EYS: variants seen among roughly 807,000 people sequenced by gnomAD.
EYS encodes the protein EGF-like photoreceptor maintenance factor.
A neutral mutation model predicts 282.1 loss-of-function variants in EYS; 250 were observed. That is an observed-to-expected ratio of 0.89 (90% confidence interval 0.80 to 0.98). The LOEUF is 0.98. Ranked by LOEUF, EYS falls within the 50% of genes least tolerant of loss-of-function variation. EYS has a pLI of 0.00. For missense variants in EYS, 4,016 were observed against 3,709.0 expected, an observed-to-expected ratio of 1.08 and a Z score of -2.15; for synonymous variants, 1,355 against 1,282.9, an observed-to-expected ratio of 1.06 and a Z score of -1.20.
intron 1 of EYS, among the ~76,000 whole-genome samples, chr6:65,645,784 A>C (rs1767429617): frequency 6.6e-6 from 1 of 152,176 alleles, no homozygotes; most frequent in Non-Finnish European, 1.5e-5. Flanking sequence ...TGTTAGTGAG[A>C]TTAACCAAGA....
intron 14 of EYS, among the ~76,000 whole-genome samples, chr6:64,984,873 C>T (rs1456509323): frequency 1.3e-5 from 2 of 151,364 alleles, no homozygotes; most frequent in African/African-American, 2.4e-5. Flanking sequence ...TCTTAGCTTC[C>T]GGAAATTATT....
intron 28 of EYS, among the ~76,000 whole-genome samples, chr6:64,414,691 TA>T (rs1774009644): frequency 6.6e-6 from 1 of 152,202 alleles, no homozygotes; most frequent in South Asian, 2.1e-4. Flanking sequence ...CACTGTAGTA[TA>T]ATACTTGGCT....
intron 26 of EYS, among the ~76,000 whole-genome samples, chr6:64,522,537 T>C (rs911473021): frequency 6.6e-6 from 1 of 151,684 alleles, no homozygotes; most frequent in Non-Finnish European, 1.5e-5. Flanking sequence ...GTATGGTCTT[T>C]TGTGAAACCA....
At chr6:65,589,527 T>C (rs543528750) in intron 2 of EYS, among the ~76,000 whole-genome samples, 14 of 152,076 alleles carry the variant, frequency 9.2e-5, no homozygotes, top group African/African-American at 3.4e-4. Context: ...GGTTGATTCT[T>C]ATCTTGAATT....
chr6:64,974,155 C>T (rs2150112649), intron 14 of EYS, among the ~76,000 whole-genome samples: 1 of 151,856 alleles, frequency 6.6e-6, no homozygotes, highest in East Asian at 1.9e-4. Flanking sequence ...CCTTAAGGAA[C>T]AACCAGAGAC....
At chr6:65,480,309 A>T (rs1182705564) in intron 5 of EYS, among the ~76,000 whole-genome samples, 1 of 152,174 alleles carries the variant, frequency 6.6e-6, no homozygotes, top group African/African-American at 2.4e-5. Context: ...GACAACTTAA[A>T]AATGGCAGAG....
At chr6:65,002,542 A>G (rs560519948) in intron 13 of EYS, among the ~76,000 whole-genome samples, 1 of 147,930 alleles carries the variant, frequency 6.8e-6, no homozygotes, top group Admixed American at 6.7e-5. Flanking sequence ...ACAAAATTCA[A>G]TTGCCTTGAT....
chr6:64,428,335 C>T (rs796945529), intron 28 of EYS, among the ~76,000 whole-genome samples: 9 of 152,068 alleles, frequency 5.9e-5, no homozygotes, highest in African/African-American at 2.2e-4. Flanking sequence ...TGTTTTCAAA[C>T]TGTTTGTATT....
At chr6:65,472,323 C>T (rs1399233307) in intron 5 of EYS, among the ~76,000 whole-genome samples, 1 of 151,984 alleles carries the variant, frequency 6.6e-6, no homozygotes, top group Non-Finnish European at 1.5e-5. Context: ...TCCATGTTTT[C>T]TCTTGGAAGG....
chr6:64,700,247 G>A (rs1163185759), intron 22 of EYS, among the ~76,000 whole-genome samples: 1 of 151,762 alleles, frequency 6.6e-6, no homozygotes, highest in Admixed American at 6.6e-5. Flanking sequence ...AATAATAAAA[G>A]CCATATAAGG....
intron 29 of EYS, among the ~76,000 whole-genome samples, chr6:64,311,275 A>G (rs1048499910): frequency 4.0e-4 from 61 of 152,250 alleles, no homozygotes; most frequent in African/African-American, 1.4e-3. Context: ...ATAGAAGGGA[A>G]ACAAAGATAC....
At chr6:64,687,065 C>T (rs1562134313) in intron 22 of EYS, among the ~76,000 whole-genome samples, 1 of 150,512 alleles carries the variant, frequency 6.6e-6, no homozygotes, top group East Asian at 2.0e-4. Flanking sequence ...CAGAGTAGTC[C>T]TCATATGTAT....
At chr6:65,636,856 T>A (rs1212771606) in intron 2 of EYS, among the ~76,000 whole-genome samples, 1 of 152,212 alleles carries the variant, frequency 6.6e-6, no homozygotes, top group Non-Finnish European at 1.5e-5. Context: ...TCACCCAGGC[T>A]GCAGTGCAGT....
At chr6:65,029,232 T>C (rs939296692) in intron 13 of EYS, among the ~76,000 whole-genome samples, 4 of 152,150 alleles carry the variant, frequency 2.6e-5, no homozygotes, top group Non-Finnish European at 5.9e-5. Context: ...GAGAATGATA[T>C]TAAGAAATCA....
intron 26 of EYS, among the ~76,000 whole-genome samples, chr6:64,525,969 A>G (rs1347894874): frequency 2.0e-5 from 3 of 151,834 alleles, no homozygotes; most frequent in East Asian, 1.9e-4. Flanking sequence ...TGGAAAAAAA[A>G]CCTCTAATAT....
At chr6:64,621,727 C>A (rs992044978) in intron 23 of EYS, among the ~76,000 whole-genome samples, 3 of 152,184 alleles carry the variant, frequency 2.0e-5, no homozygotes, top group Non-Finnish European at 4.4e-5. Flanking sequence ...AACAATACTA[C>A]TTTAAGGGCA....
chr6:64,547,204 G>C (rs967529579), intron 26 of EYS, among the ~76,000 whole-genome samples: 1 of 152,132 alleles, frequency 6.6e-6, no homozygotes, highest in Non-Finnish European at 1.5e-5. Context: ...AAAGAACAAA[G>C]CTTCCACAGT....
At chr6:65,330,909 A>G (rs1437484568) in intron 11 of EYS, 1 of 980,004 alleles carries the variant, frequency 1.0e-6, no homozygotes, top group Non-Finnish European at 1.2e-6. Flanking sequence ...CATTTCCTCA[A>G]TACCATTTAC....
chr6:65,274,753 T>G (rs1767997149), intron 12 of EYS, among the ~76,000 whole-genome samples: 1 of 152,106 alleles, frequency 6.6e-6, no homozygotes, highest in Admixed American at 6.6e-5. Flanking sequence ...GACCAATTGG[T>G]AAGACATTTA....
Sources: gnomAD v4.1 joint callset for allele counts (sites outside exome capture counted in the v4.1 genomes callset) on GRCh38, gnomAD v4.1.1 for gene constraint, MANE v1.5 for transcripts, NCBI Gene and HGNC (gene_info 2026-07-23, HGNC 2026-07-21) for gene names.